GON4L: variants seen among roughly 807,000 people sequenced by gnomAD.
GON4L encodes gon-4 like.
Under a neutral mutation model 211.8 loss-of-function variants are expected in GON4L, and 87 were observed. The observed-to-expected ratio is 0.41, with a 90% CI of 0.35 to 0.49. The LOEUF is 0.49. Ranked by LOEUF, GON4L falls within the 20% of genes least tolerant of loss-of-function variation. The probability of loss-of-function intolerance (pLI) is 0.15; values close to 1 mark genes in which losing one functional copy is unlikely to be tolerated. For synonymous variants in GON4L, 875 were observed against 962.6 expected, an observed-to-expected ratio of 0.91 and a Z score of 1.68; for missense variants, 2,155 against 2,659.5, an observed-to-expected ratio of 0.81 and a Z score of 4.17.
At chr1:155,759,205 T>C (rs552117736) in intron 24 of GON4L, among the ~76,000 whole-genome samples, 1 of 151,668 alleles carries the variant, frequency 6.6e-6, no homozygotes, top group East Asian at 2.0e-4. Flanking sequence ...CTTGCTATGT[T>C]GTCCAGGCTG....
chr1:155,749,202 A>C, downstream of GON4L: 14 of 1,331,966 alleles, frequency 1.1e-5, no homozygotes, highest in Non-Finnish European at 1.3e-5. Context: ...CAGTGAGCCG[A>C]GATCACACCA....
chr1:155,749,206 C>G, downstream of GON4L: 1 of 1,356,594 alleles, frequency 7.4e-7, no homozygotes, highest in Non-Finnish European at 1.0e-6. Context: ...GAGCCGAGAT[C>G]ACACCATTGC....
intron 2 of GON4L, among the ~76,000 whole-genome samples, chr1:155,851,684 C>CCA (rs1671811106): frequency 6.6e-6 from 1 of 151,792 alleles, no homozygotes; most frequent in Admixed American, 6.6e-5. Context: ...CCACTGTACT[C>CCA]CAGCCTGGGC....
intron 11 of GON4L, among the ~76,000 whole-genome samples, chr1:155,796,183 A>AT (rs1335354813): frequency 1.3e-5 from 2 of 152,154 alleles, no homozygotes; most frequent in African/African-American, 4.8e-5. Flanking sequence ...TCCTTACAAT[A>AT]AGAATCATAA....
chr1:155,746,223 C>T, downstream of GON4L: 2 of 1,477,156 alleles, frequency 1.4e-6, no homozygotes, highest in Admixed American at 1.9e-5. Context: ...CTTCAAGACC[C>T]TCCCACTTTA....
At chr1:155,846,482 C>T (rs1671257343) in intron 2 of GON4L, 1 of 137,038 alleles carries the variant, frequency 7.3e-6, no homozygotes, top group African/African-American at 2.8e-5. Flanking sequence ...GAGATCGCGC[C>T]ACTGCACTCC....
chr1:155,816,035 G>A (rs550314612), intron 7 of GON4L, 135 bp from the exon 8 acceptor site: 21 of 715,820 alleles, frequency 2.9e-5, no homozygotes, highest in East Asian at 1.6e-4. Flanking sequence ...CAAATAACAC[G>A]AGGCAGAGGT....
At chr1:155,802,317 G>GGC (rs1305651259) in intron 11 of GON4L, among the ~76,000 whole-genome samples, 2 of 146,680 alleles carry the variant, frequency 1.4e-5, no homozygotes, top group South Asian at 2.3e-4. Flanking sequence ...TTCCTTGGGG[G>GGC]GGGGGAAGGC....
chr1:155,790,225 T>G (rs1044556247), intron 12 of GON4L, among the ~76,000 whole-genome samples: 2 of 151,864 alleles, frequency 1.3e-5, no homozygotes, highest in Non-Finnish European at 2.9e-5. Flanking sequence ...TCAGCCTCCT[T>G]AGTAGCTGGG....
At chr1:155,842,101 C>G (rs528643176) in intron 2 of GON4L, among the ~76,000 whole-genome samples, 3 of 152,120 alleles carry the variant, frequency 2.0e-5, no homozygotes, top group Admixed American at 2.0e-4. Flanking sequence ...CCTCACTATA[C>G]CTTCCCCCCG....
At chr1:155,830,264 T>C (rs1373492454) in intron 2 of GON4L, among the ~76,000 whole-genome samples, 2 of 151,530 alleles carry the variant, frequency 1.3e-5, no homozygotes, top group African/African-American at 4.8e-5. Flanking sequence ...GGGACAGTTT[T>C]AAAAAGCAGT....
chr1:155,827,063 CCA>C (rs765976044), intron 2 of GON4L, 35 bp from the exon 3 acceptor site: 8 of 1,448,886 alleles, frequency 5.5e-6, no homozygotes, highest in Non-Finnish European at 2.9e-6. Context: ...CACACTTTGA[CCA>C]TTCTCAGTCA....
chr1:155,750,849 C>T (rs1227352063), intron 31 of GON4L, 116 bp from the exon 32 acceptor site: 36 of 977,632 alleles, frequency 3.7e-5, no homozygotes, highest in Non-Finnish European at 4.1e-5. Flanking sequence ...CTGCAACCTC[C>T]GTCTCCTGGG....
chr1:155,754,812 A>G (rs1174763344), intron 27 of GON4L, among the ~76,000 whole-genome samples: 1 of 150,962 alleles, frequency 6.6e-6, no homozygotes, highest in Non-Finnish European at 1.5e-5. Context: ...TACAGGCATG[A>G]GCCACTGTGC....
intron 2 of GON4L, among the ~76,000 whole-genome samples, chr1:155,850,351 T>C (rs547319488): frequency 6.6e-6 from 1 of 152,326 alleles, no homozygotes; most frequent in African/African-American, 2.4e-5. Flanking sequence ...AAAACCGCTA[T>C]TCCTGTCTAC....
At chr1:155,808,037 A>T (rs918141774) in intron 10 of GON4L, among the ~76,000 whole-genome samples, 1 of 151,080 alleles carries the variant, frequency 6.6e-6, no homozygotes, top group African/African-American at 2.4e-5. Context: ...TTTCTTATTT[A>T]TTTATTTTTT....
intron 29 of GON4L, 119 bp downstream of exon 29, chr1:155,753,085 G>C (rs1660784633): frequency 1.4e-5 from 10 of 735,092 alleles, no homozygotes; most frequent in Non-Finnish European, 2.3e-5. Flanking sequence ...GTCCATCAGT[G>C]AAAGAGGTGG....
chr1:155,756,173 T>C (rs1394283391), intron 27 of GON4L, among the ~76,000 whole-genome samples: 1 of 152,168 alleles, frequency 6.6e-6, no homozygotes, highest in African/African-American at 2.4e-5. Flanking sequence ...ACTGTGAGAA[T>C]TAAATGTGTC....
rs139862157 is a variant in GON4L at position 155,803,221 on chromosome 1, G to C, written c.1645+1728C>G. 1.4e-3 allele frequency among the ~76,000 whole-genome samples: 206 copies of C among 151,368 alleles called. 1 individual carries two copies. Among genetic ancestry groups the C allele is most frequent in the African/African-American group, 4.9e-3 (201 of 41,272 alleles). On this transcript the variant is annotated intron_variant, in intron 11 of 31. Transcript: ENST00000368331. ...ACTTACTCCTAGCATTACCTACCCA[G>C]CCATTTACTCAGTCTATTTCTTTTT...
Sources: gnomAD v4.1 joint callset for allele counts (sites outside exome capture counted in the v4.1 genomes callset) on GRCh38, gnomAD v4.1.1 for gene constraint, MANE v1.5 for transcripts, NCBI Gene and HGNC (gene_info 2026-07-23, HGNC 2026-07-21) for gene names.